DOCK3: variants seen among roughly 807,000 people sequenced by gnomAD.
DOCK3 encodes the protein dedicator of cytokinesis 3.
A neutral mutation model predicts 265.6 loss-of-function variants in DOCK3; 60 were observed. The observed-to-expected ratio is 0.23, with a 90% CI of 0.18 to 0.28. The LOEUF (loss-of-function observed/expected upper bound fraction) is 0.28. Ranked by LOEUF, DOCK3 falls within the 10% of genes least tolerant of loss-of-function variation. The pLI is 1.00. For synonymous variants in DOCK3, 881 were observed against 938.0 expected, an observed-to-expected ratio of 0.94 and a Z score of 1.11; for missense variants, 1,981 against 2,594.3, an observed-to-expected ratio of 0.76 and a Z score of 5.14.
At chr3:51,096,424 G>A (rs540543015) in intron 9 of DOCK3, among the ~76,000 whole-genome samples, 2 of 150,894 alleles carry the variant, frequency 1.3e-5, no homozygotes, top group African/African-American at 2.4e-5. Flanking sequence ...TCTTCCACTT[G>A]ATCAATTCGG....
At chr3:50,773,214 G>A (rs1317500110) in intron 1 of DOCK3, among the ~76,000 whole-genome samples, 1 of 151,946 alleles carries the variant, frequency 6.6e-6, no homozygotes, top group African/African-American at 2.4e-5. Flanking sequence ...AAATTATGCT[G>A]GGAAAACTGG....
At chr3:51,214,289 G>A (rs755630955) in intron 14 of DOCK3, 42 bp downstream of exon 14, 1 of 1,607,822 alleles carries the variant, frequency 6.2e-7, no homozygotes, top group Non-Finnish European at 8.5e-7. Context: ...GATGGGTTAG[G>A]ATGGAATCTG....
chr3:51,324,049 A>G (rs1347647427), intron 32 of DOCK3, among the ~76,000 whole-genome samples: 2 of 152,340 alleles, frequency 1.3e-5, no homozygotes, highest in Non-Finnish European at 2.9e-5. Flanking sequence ...ACTCCTATTC[A>G]ACGTAGTATT....
At chr3:51,153,124 A>C (rs568544675) in intron 10 of DOCK3, among the ~76,000 whole-genome samples, 1 of 152,340 alleles carries the variant, frequency 6.6e-6, no homozygotes, top group East Asian at 1.9e-4. Context: ...CTACAGAGGC[A>C]GCAGGCCTTG....
chr3:51,159,378 T>A, intron 11 of DOCK3, 74 bp downstream of exon 11: 1 of 1,397,652 alleles, frequency 7.2e-7, no homozygotes, highest in East Asian at 2.3e-5. Context: ...TGCATGAGCT[T>A]TGTTTTCTCC....
chr3:51,366,309 T>C (rs2087161278), intron 49 of DOCK3, among the ~76,000 whole-genome samples: 1 of 152,240 alleles, frequency 6.6e-6, no homozygotes, highest in South Asian at 2.1e-4. Flanking sequence ...TGGTAGTTTG[T>C]ATTTCTGTGG....
intron 5 of DOCK3, among the ~76,000 whole-genome samples, chr3:50,963,724 G>GT (rs1474162446): frequency 6.6e-6 from 1 of 152,204 alleles, no homozygotes; most frequent in African/African-American, 2.4e-5. Flanking sequence ...AAGGTGAGCT[G>GT]TAAGATTGCT....
intron 27 of DOCK3, among the ~76,000 whole-genome samples, chr3:51,307,145 G>C (rs867045819): frequency 6.6e-6 from 1 of 151,886 alleles, no homozygotes; most frequent in Non-Finnish European, 1.5e-5. Context: ...TTTTAGACAG[G>C]GTCTTGCTGT....
At chr3:51,291,980 G>GA (rs774497454) in intron 27 of DOCK3, among the ~76,000 whole-genome samples, 71 of 152,260 alleles carry the variant, frequency 4.7e-4, no homozygotes, top group Non-Finnish European at 9.3e-4. Flanking sequence ...CATATTAACA[G>GA]AATGAAGGAG....
chr3:51,084,640 T>C (rs1004418436), intron 7 of DOCK3, among the ~76,000 whole-genome samples: 6 of 152,042 alleles, frequency 3.9e-5, no homozygotes, highest in Non-Finnish European at 7.4e-5. Flanking sequence ...TCTACCATCA[T>C]GAAAACACAC....
chr3:51,255,541 T>TATGTGACTATCCAAGCCTC (rs1348599181), intron 22 of DOCK3, among the ~76,000 whole-genome samples: 2 of 146,992 alleles, frequency 1.4e-5, no homozygotes, highest in Non-Finnish European at 3.0e-5. Context: ...CATAGTCTCA[T>TATGTGACTATCCAAGCCTC]ATTTCTTGGA....
At chr3:51,161,968 A>G (rs1026006367) in intron 12 of DOCK3, among the ~76,000 whole-genome samples, 1 of 152,210 alleles carries the variant, frequency 6.6e-6, no homozygotes, top group Non-Finnish European at 1.5e-5. Flanking sequence ...AATAGGAAAA[A>G]CACAATAATG....
intron 22 of DOCK3, among the ~76,000 whole-genome samples, chr3:51,247,867 G>C (rs545359369): frequency 6.6e-6 from 1 of 152,244 alleles, no homozygotes; most frequent in Non-Finnish European, 1.5e-5. Context: ...AAAGGGCCTC[G>C]GTTCTCTTCT....
chr3:50,814,833 C>A (rs978160835), intron 2 of DOCK3, among the ~76,000 whole-genome samples: 2 of 147,968 alleles, frequency 1.4e-5, no homozygotes, highest in African/African-American at 5.0e-5. Flanking sequence ...TTTTTTCATT[C>A]TTTTTTTTTT....
At position 51,104,502 on chromosome 3, in the gene DOCK3, T is replaced by C. The variant is rs963939895; in HGVS notation, c.746+14118T>C. On this transcript the variant is annotated intron_variant, in intron 9 of 52. Transcript: ENST00000266037. ...GAAATGCAGGCAAAAACAAGACCAG[T>C]TGGGAGACTTAATATAATAATATCA... Among the ~76,000 whole-genome samples the C allele has an allele frequency of 5.9e-5, 9 of 152,246 alleles. No individual in the cohort carries two copies. In the East Asian group the frequency reaches 1.5e-3, roughly 26 times the overall value.
chr3:51,067,401 C>A (rs1418691024), intron 6 of DOCK3, among the ~76,000 whole-genome samples: 1 of 144,462 alleles, frequency 6.9e-6, no homozygotes, highest in African/African-American at 2.6e-5. Flanking sequence ...ATTCCAATTT[C>A]ATGACTTTTT....
At chr3:51,201,005 A>G (rs569496744) in intron 12 of DOCK3, among the ~76,000 whole-genome samples, 3 of 152,166 alleles carry the variant, frequency 2.0e-5, no homozygotes, top group Admixed American at 6.5e-5. Context: ...GGCCTGCCCT[A>G]AAAGAGCTCC....
At chr3:51,364,487 G>A (rs1195440590) in intron 49 of DOCK3, among the ~76,000 whole-genome samples, 6 of 151,882 alleles carry the variant, frequency 4.0e-5, no homozygotes, top group Non-Finnish European at 7.4e-5. Context: ...AAGCTCTTTA[G>A]TTTAGATCCC....
At chr3:50,735,828 A>G (rs1016836644) in intron 1 of DOCK3, among the ~76,000 whole-genome samples, 1 of 152,214 alleles carries the variant, frequency 6.6e-6, no homozygotes, top group Admixed American at 6.5e-5. Flanking sequence ...TACAGGAAAC[A>G]TAGTGGCTTC....
Sources: gnomAD v4.1 joint callset for allele counts (sites outside exome capture counted in the v4.1 genomes callset) on GRCh38, gnomAD v4.1.1 for gene constraint, MANE v1.5 for transcripts, NCBI Gene and HGNC (gene_info 2026-07-23, HGNC 2026-07-21) for gene names.